SNX1: variants seen among roughly 807,000 people sequenced by gnomAD.
SNX1 encodes the protein sorting nexin-1.
In SNX1, 36 loss-of-function variants were observed where a neutral mutation model predicts 71.8. The observed-to-expected ratio is 0.50, with a 90% CI of 0.38 to 0.66. The LOEUF is 0.66. Among genes scored for constraint, SNX1 ranks in the 30% least tolerant of loss-of-function variants. The probability of loss-of-function intolerance (pLI) is 0.00; values close to 1 mark genes in which losing one functional copy is unlikely to be tolerated. For missense variants in SNX1, 612 were observed against 646.7 expected, an observed-to-expected ratio of 0.95 and a Z score of 0.58; for synonymous variants, 254 against 240.7, an observed-to-expected ratio of 1.06 and a Z score of -0.51.
chr15:64,119,736 A>C (rs983385544), intron 4 of SNX1, among the ~76,000 whole-genome samples: 3 of 113,330 alleles, frequency 2.6e-5, no homozygotes, highest in African/African-American at 7.5e-5. Flanking sequence ...AAAAAAAAAA[A>C]AACACACACA....
Position 64,138,755 on chromosome 15 carries a change from C to T in SNX1, c.*1137C>T, listed in dbSNP as rs570005095. 1 of 152,750 alleles carries T rather than the reference C, an allele frequency of 6.5e-6. No individual in the cohort carries two copies. Among genetic ancestry groups the T allele is most frequent in the Admixed American group, 6.5e-5 (1 of 15,338 alleles). The allele number at this position is 152,750 out of a possible 1,614,324, so 9.5% of individuals were successfully genotyped here. A position where few individuals can be genotyped will look rare whatever the true frequency, so the allele number is the denominator to read the frequency against. On this transcript the variant is annotated 3_prime_UTR_variant, in exon 15 of 15. Transcript: ENST00000559844. The stretch of plus-strand genomic sequence containing the variant: ...CTCGTCAGTCAAGGATGGGCTTCCC[C>T]CTTAGCTGTGTCCACAGCTGCTCAA...
At position 64,096,051 on chromosome 15, in the gene SNX1, G is replaced by T; in HGVS notation, c.38G>T (p.Arg13Ile). The T allele has an allele frequency of 6.3e-7, 1 of 1,591,910 alleles. No homozygotes were observed. Among genetic ancestry groups the T allele is most frequent in the Non-Finnish European group, 8.5e-7 (1 of 1,173,122 alleles). The stretch of plus-strand genomic sequence containing the variant: ...GGTGGTGGCTGTAGCGCTTCGGAGA[G>T]ACTGCCTCCGCCCTTCCCCGGCCTG... ...SGGGGCSASERLPPPFPGLEP... is the reference protein window; with the variant it reads ...SGGGGCSASEILPPPFPGLEP... The change falls in exon 1 of 15, where the codon AGA becomes ATA. Residue 13 changes from arginine (R) to isoleucine (I), a missense_variant. By Grantham distance (97) the Arg-to-Ile change is moderately conservative (BLOSUM62 -3). This residue lies in a region of SNX1 where 316 missense variants were observed against 284.9 expected (regional missense o/e 1.11). Coordinates refer to ENST00000559844, the MANE Select transcript of SNX1 (RefSeq NM_003099.5).
At chr15:64,113,869 T>C (rs1245882594) in intron 2 of SNX1, among the ~76,000 whole-genome samples, 2 of 151,774 alleles carry the variant, frequency 1.3e-5, no homozygotes, top group Non-Finnish European at 2.9e-5. Flanking sequence ...AAGAAAGTGA[T>C]CTTGGAAGAA....
At chr15:64,136,823 C>G (rs758282570) in intron 13 of SNX1, 38 bp from the exon 14 acceptor site, 95 of 1,550,514 alleles carry the variant, frequency 6.1e-5, no homozygotes, top group Non-Finnish European at 7.6e-5. Flanking sequence ...AAAGGGAAAG[C>G]AAAAACTGGA....
At chr15:64,117,031 A>T (rs1248362139) in intron 2 of SNX1, among the ~76,000 whole-genome samples, 1 of 152,130 alleles carries the variant, frequency 6.6e-6, no homozygotes, top group African/African-American at 2.4e-5. Flanking sequence ...AGGAGATCTA[A>T]ACCATTAGGA....
chr15:64,103,727 T>A (rs1432270022), intron 1 of SNX1, among the ~76,000 whole-genome samples: 30 of 152,240 alleles, frequency 2.0e-4, no homozygotes, highest in Admixed American at 2.0e-3. Flanking sequence ...ATCTGGCTAA[T>A]ACTTTAATTC....
At chr15:64,119,388 C>T (rs1385243723) in intron 4 of SNX1, among the ~76,000 whole-genome samples, 1 of 152,088 alleles carries the variant, frequency 6.6e-6, no homozygotes, top group East Asian at 1.9e-4. Context: ...TCTTAAAGCA[C>T]CGAGATTACA....
At chr15:64,107,134 G>A (rs1202930393) in intron 1 of SNX1, among the ~76,000 whole-genome samples, 1 of 152,108 alleles carries the variant, frequency 6.6e-6, no homozygotes, top group Non-Finnish European at 1.5e-5. Context: ...TTACATTAGT[G>A]TGATCACACA....
Position 64,134,960 on chromosome 15 carries a change from T to C in SNX1, c.1365+153T>C, listed in dbSNP as rs1191901105. 3 of 919,882 alleles carry C rather than the reference T, an allele frequency of 3.3e-6. No individual in the cohort carries two copies. The highest frequency in any genetic ancestry group is 4.8e-6 in the Non-Finnish European group (3 of 626,130). The allele number at this position is 919,882 out of a possible 1,614,324, so 57.0% of individuals were successfully genotyped here. A position where few individuals can be genotyped will look rare whatever the true frequency, so the allele number is the denominator to read the frequency against. ...TGCTGAGGAAGCCTCTGAGAATGAC[T>C]CCAGGCCTTCCTGAGGCCTAGTCCC... is the stretch of plus-strand genomic sequence containing the variant. On this transcript the variant is annotated intron_variant, in intron 12 of 14. Coordinates refer to ENST00000559844, the MANE Select transcript of SNX1 (RefSeq NM_003099.5). The surrounding 1 kb of genome is among the most constrained non-coding windows in gnomAD (Gnocchi z 4.1).
Position 64,140,996 on chromosome 15 carries a change from G to GATAT in SNX1, c.*3381_*3382insTATA, listed in dbSNP as rs2081407616. 1 of 149,696 alleles carries GATAT rather than the reference G, an allele frequency of 6.7e-6. No individual in the cohort carries two copies. The highest frequency in any genetic ancestry group is 1.5e-5 in the Non-Finnish European group (1 of 67,988). The allele number at this position is 149,696 out of a possible 1,614,324, so 9.3% of individuals were successfully genotyped here. On this transcript the variant is annotated 3_prime_UTR_variant, in exon 15 of 15. Coordinates refer to ENST00000559844, the MANE Select transcript of SNX1 (RefSeq NM_003099.5). ...AGTGCAAAGAGATGATAGATAGATA[G>GATAT]ATAGATAGATAGATAGATAGATAGA...
In SNX1 at chr15:64,137,993, A is replaced by G. The variant is rs1275344677; in HGVS notation, c.*375A>G. On this transcript the variant is annotated 3_prime_UTR_variant, in exon 15 of 15. Transcript: ENST00000559844. ...CCATGAAAAGGTTATGTAATAAAAT[A>G]TTTTAAAATCAGGTCACATGACTCA... 1 of 1,472,960 alleles carries G rather than the reference A, an allele frequency of 6.8e-7. No individual in the cohort carries two copies. Among genetic ancestry groups the G allele is most frequent in the Non-Finnish European group, 8.9e-7 (1 of 1,119,958 alleles). The allele number at this position is 1,472,960 out of a possible 1,614,324, so 91.2% of individuals were successfully genotyped here. A position where few individuals can be genotyped will look rare whatever the true frequency, so the allele number is the denominator to read the frequency against.
At chr15:64,128,321 A>G (rs2081274107) in intron 8 of SNX1, among the ~76,000 whole-genome samples, 2 of 152,258 alleles carry the variant, frequency 1.3e-5, no homozygotes, top group South Asian at 4.1e-4. Flanking sequence ...GATTCTCATC[A>G]TAAACAAAGT....
At chr15:64,113,004 G>A (rs1489379314) in intron 2 of SNX1, among the ~76,000 whole-genome samples, 1 of 152,122 alleles carries the variant, frequency 6.6e-6, no homozygotes, top group African/African-American at 2.4e-5. Flanking sequence ...CTAAAGCAGT[G>A]CGTGTAGCCT....
chr15:64,123,983 A>G (rs2081221592), intron 5 of SNX1, among the ~76,000 whole-genome samples: 1 of 151,926 alleles, frequency 6.6e-6, no homozygotes, highest in Admixed American at 6.6e-5. Flanking sequence ...AATGTTGTAT[A>G]CAAGTTAGGA....
At chr15:64,136,210 C>A in intron 12 of SNX1, 120 bp from the exon 13 acceptor site, 1 of 768,414 alleles carries the variant, frequency 1.3e-6, no homozygotes, top group Admixed American at 2.0e-5. Context: ...ATCTTACCCA[C>A]AGGGACAGAC....
In SNX1 at chr15:64,142,493, A is replaced by G; in HGVS notation, c.*4875A>G. 1 of 344,168 alleles carries G rather than the reference A, an allele frequency of 2.9e-6. No homozygotes were observed. The highest frequency in any genetic ancestry group is 5.8e-6 in the Non-Finnish European group (1 of 172,732). 21.3% of individuals were successfully genotyped at this position (344,168 alleles called of 1,614,324 possible). ...CTATCAGAGCCATGTTTGGAAGAAAATGGGGTCCAGAGCACAGGAAGGGGA... is the reference window on the plus strand; with the variant it reads ...CTATCAGAGCCATGTTTGGAAGAAAGTGGGGTCCAGAGCACAGGAAGGGGA... On this transcript the variant is annotated 3_prime_UTR_variant, in exon 15 of 15. Transcript: ENST00000559844.
chr15:64,096,475 T>A (rs1195563761), intron 1 of SNX1, among the ~76,000 whole-genome samples: 2 of 152,186 alleles, frequency 1.3e-5, no homozygotes, highest in Non-Finnish European at 2.9e-5. Context: ...TCCACGGGGT[T>A]ATTTTGCAGG....
chr15:64,096,473 G>A (rs2080902332), intron 1 of SNX1, among the ~76,000 whole-genome samples: 1 of 152,324 alleles, frequency 6.6e-6, no homozygotes, highest in South Asian at 2.1e-4. Context: ...GATCCACGGG[G>A]TTATTTTGCA....
chr15:64,111,888 C>T (rs948567153), intron 1 of SNX1, among the ~76,000 whole-genome samples: 3 of 152,182 alleles, frequency 2.0e-5, no homozygotes, highest in Non-Finnish European at 4.4e-5. Flanking sequence ...GGACCCACCC[C>T]ACCCTTGTTT....
Sources: gnomAD v4.1 joint callset for allele counts (sites outside exome capture counted in the v4.1 genomes callset) on GRCh38, gnomAD v4.1.1 for gene constraint, gnomAD v4.1.1 regional missense constraint, Gnocchi (gnomAD v3.1) non-coding constraint, MANE v1.5 for transcripts, NCBI Gene and HGNC (gene_info 2026-07-23, HGNC 2026-07-21) for gene names.